PRR5L: variants seen among roughly 807,000 people sequenced by gnomAD.
PRR5L encodes the protein proline-rich protein 5-like.
A neutral mutation model predicts 36.4 loss-of-function variants in PRR5L; 21 were observed. The observed-to-expected ratio is 0.58, with a 90% confidence interval of 0.41 to 0.83. The LOEUF (loss-of-function observed/expected upper bound fraction) is 0.83, where lower values mean the gene tolerates loss of function less well. Ranked by LOEUF, PRR5L falls within the 40% of genes least tolerant of loss-of-function variation. The pLI is 0.00. For missense variants in PRR5L, 381 were observed against 473.3 expected, an observed-to-expected ratio of 0.80 and a Z score of 1.81; for synonymous variants, 188 against 197.0, an observed-to-expected ratio of 0.95 and a Z score of 0.38.
chr11:36,350,972 A>ATATATTTT (rs1264656078), intron 1 of PRR5L, among the ~76,000 whole-genome samples: 2 of 48,366 alleles, frequency 4.1e-5, no homozygotes, highest in East Asian at 7.0e-4. Flanking sequence ...TTATATATTT[A>ATATATTTT]TATATATTTA....
Position 36,363,327 on chromosome 11 carries a change from G to A in PRR5L, c.-125-37670G>A, listed in dbSNP as rs1479017413. On this transcript the variant is annotated intron_variant, in intron 1 of 8. Coordinates refer to ENST00000530639, the MANE Select transcript of PRR5L (RefSeq NM_001160167.2). ...GTTATTTAAAATATATTCCTGGAGTGCTTTCGAAGTGTGAGGGCAGACATC... is the reference window on the plus strand; with the variant it reads ...GTTATTTAAAATATATTCCTGGAGTACTTTCGAAGTGTGAGGGCAGACATC... Among the ~76,000 whole-genome samples, 4 of 152,224 alleles carry A rather than the reference G, an allele frequency of 2.6e-5. No individual in the cohort carries two copies. The East Asian group carries it at 7.7e-4, about 29-fold the overall frequency.
At chr11:36,329,645 T>A (rs1331704589) in intron 1 of PRR5L, among the ~76,000 whole-genome samples, 1 of 152,204 alleles carries the variant, frequency 6.6e-6, no homozygotes, top group Admixed American at 6.5e-5. Context: ...GCAGCAAAAA[T>A]GGTAATTGAC....
At chr11:36,300,599 C>T (rs11033541) in intron 1 of PRR5L, among the ~76,000 whole-genome samples, 21,019 of 152,008 alleles carry the variant, frequency 0.14, 1,696 homozygotes, top group East Asian at 0.23. Context: ...TTCTAGCTCC[C>T]AGGAGGTACT....
intron 6 of PRR5L, among the ~76,000 whole-genome samples, chr11:36,440,559 A>G (rs1344898943): frequency 6.6e-6 from 1 of 152,236 alleles, no homozygotes; most frequent in Non-Finnish European, 1.5e-5. Flanking sequence ...TGGCAACAGA[A>G]TAATCTGGGG....
intron 4 of PRR5L, among the ~76,000 whole-genome samples, chr11:36,430,096 G>C (rs1858461865): frequency 5.3e-5 from 8 of 151,956 alleles, no homozygotes; most frequent in Admixed American, 4.6e-4. Context: ...CTTTGATTTG[G>C]TGTTCTATCT....
At chr11:36,323,563 G>A (rs987833088) in intron 1 of PRR5L, 2 of 152,216 alleles carry the variant, frequency 1.3e-5, no homozygotes, top group East Asian at 3.8e-4. Flanking sequence ...TTCTGTGTGT[G>A]CCATGACATG....
chr11:36,396,402 G>A (rs775453822), intron 1 of PRR5L, among the ~76,000 whole-genome samples: 1 of 152,238 alleles, frequency 6.6e-6, no homozygotes, highest in Non-Finnish European at 1.5e-5. Context: ...AGTTATTAAA[G>A]GGCTAAGGAG....
At position 36,447,512 on chromosome 11, in the gene PRR5L, G is replaced by GA. The variant is rs200567158; in HGVS notation, c.585+1073dup. ...GGTTTTTGGCTAGGGACACCCCCAAGAGGTGACTACTATGCCTCTTCACCT... is the reference window on the plus strand; with the variant it reads ...GGTTTTTGGCTAGGGACACCCCCAAGAAGGTGACTACTATGCCTCTTCACCT... On this transcript the variant is annotated intron_variant, in intron 7 of 8. Coordinates refer to ENST00000530639, the MANE Select transcript of PRR5L (RefSeq NM_001160167.2). 3.1e-3 allele frequency among the ~76,000 whole-genome samples: 467 copies of GA among 152,340 alleles called. 3 individuals carry two copies. The highest frequency in any genetic ancestry group is 0.011 in the African/African-American group (437 of 41,586).
intron 1 of PRR5L, among the ~76,000 whole-genome samples, chr11:36,328,686 A>C (rs1167879390): frequency 1.3e-5 from 2 of 152,200 alleles, no homozygotes; most frequent in African/African-American, 4.8e-5. Context: ...CCCGATGCCA[A>C]CTTCTCATCT....
chr11:36,322,673 G>C (rs1053020762), intron 1 of PRR5L, among the ~76,000 whole-genome samples: 1 of 152,184 alleles, frequency 6.6e-6, no homozygotes, highest in African/African-American at 2.4e-5. Flanking sequence ...TAAAGGGCTA[G>C]GCACATAACC....
chr11:36,457,069 A>G (rs575506591), intron 8 of PRR5L, among the ~76,000 whole-genome samples: 1 of 152,280 alleles, frequency 6.6e-6, no homozygotes, highest in South Asian at 2.1e-4. Context: ...CACTGGAGAC[A>G]CCTTTCCCTG....
In PRR5L at chr11:36,437,399, G is replaced by C; in HGVS notation, c.367G>C (p.Glu123Gln). 6 of 1,611,122 alleles carry C rather than the reference G, an allele frequency of 3.7e-6. No individual in the cohort carries two copies. The highest frequency in any genetic ancestry group is 5.1e-6 in the Non-Finnish European group (6 of 1,177,300). ...IKLCEGENRIEVLAEVWDHFF... is the reference protein window; with the variant it reads ...IKLCEGENRIQVLAEVWDHFF... ...CCCTCTTGTAGGTGAAAATCGCATT[G>C]AGGTTCTGGCTGAAGTCTGGGACCA... The change falls in exon 6 of 9, where the codon GAG (glutamate) becomes CAG (glutamine). Residue 123 changes from glutamate to glutamine, a missense_variant. Coordinates refer to ENST00000530639, the MANE Select transcript of PRR5L (RefSeq NM_001160167.2).
chr11:36,411,296 A>G (rs182622897), intron 3 of PRR5L, among the ~76,000 whole-genome samples: 1 of 152,000 alleles, frequency 6.6e-6, no homozygotes, highest in East Asian at 1.9e-4. Flanking sequence ...TGCCTCCTTT[A>G]CCTTTAAGCC....
At chr11:36,422,381 C>A (rs1357570706) in intron 4 of PRR5L, among the ~76,000 whole-genome samples, 1 of 152,144 alleles carries the variant, frequency 6.6e-6, no homozygotes, top group Admixed American at 6.5e-5. Context: ...AGGAATGGAA[C>A]CCAGGGGTGG....
At chr11:36,458,151 C>A (rs182794055) in intron 8 of PRR5L, among the ~76,000 whole-genome samples, 1 of 152,194 alleles carries the variant, frequency 6.6e-6, no homozygotes, top group Admixed American at 6.5e-5. Flanking sequence ...CAAAGAGGGG[C>A]GCCAGTGTCA....
chr11:36,306,882 A>AG (rs1223569204), intron 1 of PRR5L, among the ~76,000 whole-genome samples: 1 of 152,016 alleles, frequency 6.6e-6, no homozygotes. Flanking sequence ...AGTGCTAAAA[A>AG]AAAGAACATG....
At chr11:36,449,010 C>T (rs1281809888) in intron 7 of PRR5L, among the ~76,000 whole-genome samples, 3 of 152,204 alleles carry the variant, frequency 2.0e-5, no homozygotes, top group Non-Finnish European at 2.9e-5. Context: ...TCCTACAGAC[C>T]ATTAAAGATC....
intron 4 of PRR5L, among the ~76,000 whole-genome samples, chr11:36,423,113 G>GCTTGATATAGAAACTCA (rs1397992376): frequency 2.0e-5 from 3 of 152,092 alleles, no homozygotes; most frequent in Non-Finnish European, 2.9e-5. Context: ...CTGGAGTTTT[G>GCTTGATATAGAAACTCA]CTTGATATAG....
intron 4 of PRR5L, among the ~76,000 whole-genome samples, chr11:36,424,533 A>G (rs970336509): frequency 2.0e-5 from 3 of 152,370 alleles, no homozygotes; most frequent in South Asian, 2.1e-4. Context: ...TCAGTGATTC[A>G]GTGGGCATGA....
Sources: allele counts gnomAD v4.1 joint callset (sites outside exome capture counted in the v4.1 genomes callset), GRCh38; gene constraint gnomAD v4.1.1; transcripts MANE v1.5; gene names NCBI Gene and HGNC (gene_info 2026-07-23, HGNC 2026-07-21).